The following CAMKMT variants were observed in gnomAD, a reference collection of about 807,000 sequenced individuals.
CAMKMT encodes calmodulin-lysine N-methyltransferase, also known as CaM KMT.
A neutral mutation model predicts 48.0 loss-of-function variants in CAMKMT; 53 were observed. That is an observed-to-expected ratio of 1.10 (90% CI 0.89 to 1.39). The LOEUF (loss-of-function observed/expected upper bound fraction) is 1.39, where lower values mean the gene tolerates loss of function less well. CAMKMT is among the 40% of genes most tolerant of loss of function. The pLI is 0.00. For missense variants in CAMKMT, 428 were observed against 402.7 expected (o/e 1.06, Z -0.54); for synonymous variants, 165 against 152.3 (o/e 1.08, Z -0.61).
intron 3 of CAMKMT, among the ~76,000 whole-genome samples, chr2:44,546,202 C>CACACACACACACACAT (rs1205658214): frequency 2.7e-4 from 38 of 138,918 alleles, no homozygotes; most frequent in African/African-American, 9.5e-4. Flanking sequence ...CACACACACA[C>CACACACACACACACAT]ATACATGCAC....
chr2:44,603,161 T>G (rs1050073322), intron 3 of CAMKMT, among the ~76,000 whole-genome samples: 2 of 152,072 alleles, frequency 1.3e-5, no homozygotes, highest in African/African-American at 2.4e-5. Flanking sequence ...TGATCTTGGC[T>G]CACTGCAGCC....
intron 3 of CAMKMT, chr2:44,550,752 C>G (rs1191575120): frequency 6.6e-6 from 1 of 152,152 alleles, no homozygotes; most frequent in Non-Finnish European, 1.5e-5. Flanking sequence ...TTCCTCTTTA[C>G]AAGTTGTTTT....
chr2:44,742,989 G>A (rs1310407351), intron 7 of CAMKMT, among the ~76,000 whole-genome samples: 1 of 152,158 alleles, frequency 6.6e-6, no homozygotes, highest in Non-Finnish European at 1.5e-5. Flanking sequence ...AAAAACCTCT[G>A]GTTGGCCTCA....
intron 3 of CAMKMT, among the ~76,000 whole-genome samples, chr2:44,500,220 A>T (rs1669942061): frequency 6.6e-6 from 1 of 152,180 alleles, no homozygotes; most frequent in Non-Finnish European, 1.5e-5. Context: ...GTATCTAAGT[A>T]GGTTTTACAC....
chr2:44,434,111 T>C (rs191325632), intron 3 of CAMKMT, among the ~76,000 whole-genome samples: 6 of 152,298 alleles, frequency 3.9e-5, no homozygotes, highest in African/African-American at 1.4e-4. Context: ...AAGATGCTGC[T>C]TTCATGGTAA....
At chr2:44,554,997 G>T (rs1043791032) in intron 3 of CAMKMT, among the ~76,000 whole-genome samples, 3 of 152,170 alleles carry the variant, frequency 2.0e-5, no homozygotes, top group African/African-American at 4.8e-5. Context: ...GTGGGAGTAG[G>T]GAAGATAGGA....
intron 3 of CAMKMT, among the ~76,000 whole-genome samples, chr2:44,501,380 C>T (rs1264683037): frequency 6.6e-6 from 1 of 151,858 alleles, no homozygotes; most frequent in Non-Finnish European, 1.5e-5. Context: ...TATGTGTGTG[C>T]CAGAGAATAT....
chr2:44,743,647 G>C lies in CAMKMT; in HGVS notation c.649G>C (p.Asp217His). Residue 217 changes from aspartate (D) to histidine (H), a missense_variant, in exon 8 of 11, where the codon GAT (aspartate) becomes CAT (histidine). By Grantham distance (81) the Asp-to-His change is moderately conservative. Coordinates refer to ENST00000378494, the MANE Select transcript of CAMKMT (RefSeq NM_024766.5). ...SCVLRWDNET[D>H]VSQLEGHFDI... ...CGTTTTACGATGGGATAATGAGACAGATGTCTCTCAACTGGAAGGACATTT... is the reference window on the plus strand; with the variant it reads ...CGTTTTACGATGGGATAATGAGACACATGTCTCTCAACTGGAAGGACATTT... The C allele has an allele frequency of 6.2e-7, 1 of 1,613,230 alleles. No individual in the cohort carries two copies. The highest frequency in any genetic ancestry group is 8.5e-7 in the Non-Finnish European group (1 of 1,179,434).
chr2:44,372,988 C>T (rs915835969), intron 2 of CAMKMT, 100 bp downstream of exon 2: 41 of 1,123,002 alleles, frequency 3.7e-5, no homozygotes, highest in Admixed American at 5.8e-5. Flanking sequence ...ATTGAGTTTA[C>T]GGGCAATCTT....
At chr2:44,520,754 T>C (rs761121689) in intron 3 of CAMKMT, among the ~76,000 whole-genome samples, 9 of 152,204 alleles carry the variant, frequency 5.9e-5, no homozygotes, top group Non-Finnish European at 1.3e-4. Flanking sequence ...TCCCCAAGTG[T>C]CAAGGTAGGG....
At chr2:44,638,764 A>T (rs1229737647) in intron 3 of CAMKMT, among the ~76,000 whole-genome samples, 2 of 152,178 alleles carry the variant, frequency 1.3e-5, no homozygotes, top group East Asian at 3.8e-4. Flanking sequence ...GGAGGCATGC[A>T]CCGTTCTTTC....
intron 2 of CAMKMT, among the ~76,000 whole-genome samples, chr2:44,375,204 G>A (rs951677455): frequency 6.6e-6 from 1 of 150,902 alleles, no homozygotes; most frequent in Non-Finnish European, 1.5e-5. Context: ...AATATTACTT[G>A]GAATAGCCCA....
At chr2:44,523,454 A>T (rs1299279223) in intron 3 of CAMKMT, among the ~76,000 whole-genome samples, 2 of 151,876 alleles carry the variant, frequency 1.3e-5, no homozygotes, top group East Asian at 3.9e-4. Flanking sequence ...CACCACACCC[A>T]GCTAATTTTT....
chr2:44,647,907 C>CAAAAAAAAA (rs756753917), intron 3 of CAMKMT, among the ~76,000 whole-genome samples: 11 of 29,516 alleles, frequency 3.7e-4, no homozygotes, highest in Non-Finnish European at 4.2e-4. Context: ...GACTCCGTCT[C>CAAAAAAAAA]AAAAAAAAAA....
chr2:44,616,539 T>TA (rs1338074369), intron 3 of CAMKMT, among the ~76,000 whole-genome samples: 1 of 151,320 alleles, frequency 6.6e-6, no homozygotes, highest in African/African-American at 2.5e-5. Context: ...TAACAATATA[T>TA]TTTTTTGATT....
chr2:44,505,235 T>G (rs1329855836), intron 3 of CAMKMT, among the ~76,000 whole-genome samples: 1 of 152,118 alleles, frequency 6.6e-6, no homozygotes, highest in Non-Finnish European at 1.5e-5. Flanking sequence ...CACTTTCTAA[T>G]TGTTTTTTTT....
At chr2:44,743,523 A>T in intron 7 of CAMKMT, 99 bp from the exon 8 acceptor site, 1 of 786,014 alleles carries the variant, frequency 1.3e-6, no homozygotes, top group Non-Finnish European at 2.1e-6. Flanking sequence ...TATACCTTTT[A>T]AATAATTTCA....
At chr2:44,504,290 C>A (rs780165234) in intron 3 of CAMKMT, among the ~76,000 whole-genome samples, 5 of 152,132 alleles carry the variant, frequency 3.3e-5, no homozygotes, top group Non-Finnish European at 7.4e-5. Context: ...AGACACACTG[C>A]TCAAATGACT....
chr2:44,746,276 G>A (rs1331076929), intron 8 of CAMKMT, among the ~76,000 whole-genome samples: 1 of 152,204 alleles, frequency 6.6e-6, no homozygotes, highest in Admixed American at 6.5e-5. Context: ...GGTACTGCTT[G>A]ATCCCATTTA....
Sources: gnomAD v4.1 joint callset for allele counts (sites outside exome capture counted in the v4.1 genomes callset) on GRCh38, gnomAD v4.1.1 for gene constraint, MANE v1.5 for transcripts, NCBI Gene and HGNC (gene_info 2026-07-23, HGNC 2026-07-21) for gene names.